Variants in AGBL1 observed in about 807,000 individuals in gnomAD.
AGBL1 encodes AGBL carboxypeptidase 1, also known as cytosolic carboxypeptidase 4.
In AGBL1, 130 loss-of-function variants were observed where a neutral mutation model predicts 118.9. The ratio of observed to expected loss-of-function variants is 1.09; its 90% confidence interval spans 0.95 to 1.26. AGBL1 has a LOEUF of 1.26. Ranked by LOEUF, AGBL1 falls within the 50% of genes most tolerant of loss-of-function variation. The probability of loss-of-function intolerance (pLI) is 0.00; values close to 1 mark genes in which losing one functional copy is unlikely to be tolerated. For synonymous variants in AGBL1, 555 were observed against 478.9 expected, an observed-to-expected ratio of 1.16 and a Z score of -2.08; for missense variants, 1,584 against 1,298.1, an observed-to-expected ratio of 1.22 and a Z score of -3.38.
chr15:86,236,903 G>A (rs1284688538), intron 6 of AGBL1, among the ~76,000 whole-genome samples: 2 of 139,668 alleles, frequency 1.4e-5, no homozygotes, highest in South Asian at 5.0e-4. Context: ...AGGGTACCCT[G>A]ATGTTCCACA....
At chr15:86,623,036 C>A (rs1238508015) in intron 21 of AGBL1, among the ~76,000 whole-genome samples, 2 of 152,178 alleles carry the variant, frequency 1.3e-5, no homozygotes, top group African/African-American at 4.8e-5. Flanking sequence ...AATGCCACCA[C>A]TGATCTGACG....
intron 2 of AGBL1, 46 bp downstream of exon 2, chr15:86,142,113 C>A: frequency 6.5e-7 from 1 of 1,540,006 alleles, no homozygotes; most frequent in Non-Finnish European, 8.8e-7. Flanking sequence ...GATGTGGAGC[C>A]TGCTGGCTGT....
At chr15:86,746,526 G>A (rs1158061781) in intron 22 of AGBL1, among the ~76,000 whole-genome samples, 1 of 151,922 alleles carries the variant, frequency 6.6e-6, no homozygotes, top group Non-Finnish European at 1.5e-5. Context: ...TTCCCTGATC[G>A]TGCACATCAG....
At chr15:86,243,730 C>T (rs1053855661) in intron 6 of AGBL1, among the ~76,000 whole-genome samples, 17 of 152,164 alleles carry the variant, frequency 1.1e-4, no homozygotes, top group East Asian at 5.8e-4. Flanking sequence ...TAATGTAGGC[C>T]GGGCATGGTG....
chr15:86,586,265 C>A lies in AGBL1; in HGVS notation c.2994+31728C>A, dbSNP rs932001300. ...GGTACTAGGGACACCTGAAAACATT[C>A]ATAACTGAATGATAACAAGTAATGT... On this transcript the variant is annotated intron_variant, in intron 21 of 22. Transcript: ENST00000614907. Among the ~76,000 whole-genome samples, 8 of 152,170 alleles carry A rather than the reference C, an allele frequency of 5.3e-5. No homozygotes were observed. The East Asian group carries it at 7.7e-4, about 15-fold the overall frequency.
At chr15:86,372,279 T>G (rs1415320456) in intron 17 of AGBL1, among the ~76,000 whole-genome samples, 1 of 152,220 alleles carries the variant, frequency 6.6e-6, no homozygotes, top group African/African-American at 2.4e-5. Context: ...GTAACATAAG[T>G]TAAGGTCAAA....
chr15:86,845,918 T>C (rs2079311023), intron 22 of AGBL1, among the ~76,000 whole-genome samples: 1 of 152,218 alleles, frequency 6.6e-6, no homozygotes, highest in Admixed American at 6.5e-5. Flanking sequence ...CTCTATTGTG[T>C]GACACAGACC....
intron 4 of AGBL1, among the ~76,000 whole-genome samples, chr15:86,157,857 C>T (rs918782314): frequency 1.6e-4 from 25 of 152,202 alleles, no homozygotes; most frequent in Non-Finnish European, 8.8e-5. Context: ...GCTCTAACCT[C>T]GGACAGGCAT....
intron 7 of AGBL1, among the ~76,000 whole-genome samples, chr15:86,248,903 C>T (rs924079181): frequency 6.6e-6 from 1 of 152,100 alleles, no homozygotes; most frequent in Non-Finnish European, 1.5e-5. Context: ...GCAGATGACA[C>T]CTGAGCTGAG....
chr15:86,511,378 T>C (rs922784970), intron 18 of AGBL1, among the ~76,000 whole-genome samples: 5 of 151,940 alleles, frequency 3.3e-5, no homozygotes, highest in African/African-American at 9.7e-5. Context: ...TTCATATAGG[T>C]GTGGGGAGCA....
chr15:86,733,276 C>T (rs1346939990), intron 22 of AGBL1, among the ~76,000 whole-genome samples: 4 of 151,964 alleles, frequency 2.6e-5, no homozygotes, highest in Non-Finnish European at 4.4e-5. Flanking sequence ...TCTGAAGACC[C>T]AAAAACAGAG....
intron 16 of AGBL1, among the ~76,000 whole-genome samples, chr15:86,287,109 T>G (rs902848820): frequency 3.3e-5 from 5 of 152,176 alleles, no homozygotes; most frequent in African/African-American, 1.2e-4. Flanking sequence ...ATTAGAGATG[T>G]TGAACATATT....
At chr15:86,724,118 C>T (rs1048048187) in intron 22 of AGBL1, among the ~76,000 whole-genome samples, 1 of 151,664 alleles carries the variant, frequency 6.6e-6, no homozygotes, top group Non-Finnish European at 1.5e-5. Flanking sequence ...CGCCTGTAGT[C>T]CCAGCTACTT....
intron 5 of AGBL1, among the ~76,000 whole-genome samples, chr15:86,214,151 C>A (rs997054500): frequency 2.0e-4 from 31 of 152,290 alleles, no homozygotes; most frequent in African/African-American, 6.0e-4. Context: ...GGTTTGTCTT[C>A]AATGTGCTCT....
At chr15:86,978,101 T>C (rs892061759) in intron 23 of AGBL1, among the ~76,000 whole-genome samples, 17 of 152,200 alleles carry the variant, frequency 1.1e-4, no homozygotes, top group African/African-American at 4.1e-4. Context: ...AAACTGTCTA[T>C]AAGTAATTCC....
intron 17 of AGBL1, among the ~76,000 whole-genome samples, chr15:86,327,219 G>A (rs1047828791): frequency 6.6e-6 from 1 of 152,086 alleles, no homozygotes; most frequent in East Asian, 1.9e-4. Context: ...CAATGTGGAG[G>A]GTGTGCATGA....
chr15:86,678,721 T>A (rs985629437), intron 22 of AGBL1, among the ~76,000 whole-genome samples: 8 of 152,132 alleles, frequency 5.3e-5, no homozygotes, highest in African/African-American at 1.9e-4. Flanking sequence ...TAATAACAGA[T>A]AAATTCACAC....
intron 5 of AGBL1, among the ~76,000 whole-genome samples, chr15:86,175,137 GT>G (rs2077465693): frequency 6.6e-6 from 1 of 151,904 alleles, no homozygotes; most frequent in South Asian, 2.1e-4. Flanking sequence ...CTGGTCCTGA[GT>G]TTTTGTTCTT....
chr15:86,919,736 G>C (rs555428324), downstream of AGBL1, among the ~76,000 whole-genome samples: 1 of 152,182 alleles, frequency 6.6e-6, no homozygotes, highest in African/African-American at 2.4e-5. Context: ...AAATAGAAGC[G>C]ACTGCGGCAA....
Sources: allele counts gnomAD v4.1 joint callset (sites outside exome capture counted in the v4.1 genomes callset), GRCh38; gene constraint gnomAD v4.1.1; transcripts MANE v1.5; gene names NCBI Gene and HGNC (gene_info 2026-07-23, HGNC 2026-07-21).